Variants in CEP85L observed in about 807,000 individuals in gnomAD.
The protein encoded by CEP85L is centrosomal protein 85L.
In CEP85L, 60 loss-of-function variants were observed where a neutral mutation model predicts 100.3. The ratio of observed to expected loss-of-function variants is 0.60; its 90% CI spans 0.49 to 0.74. The LOEUF is 0.74. Ranked by LOEUF, CEP85L falls within the 30% of genes least tolerant of loss-of-function variation. CEP85L has a pLI of 0.00. For synonymous variants in CEP85L, 319 were observed against 322.7 expected (o/e 0.99, Z 0.12); for missense variants, 973 against 936.2 (o/e 1.04, Z -0.51).
intron 3 of CEP85L, among the ~76,000 whole-genome samples, chr6:118,555,072 A>G (rs2114948040): frequency 1.3e-5 from 2 of 152,320 alleles, no homozygotes; most frequent in Middle Eastern, 6.8e-3. Flanking sequence ...CATATGTTCA[A>G]ATAGGAATTA....
At chr6:118,534,119 T>C (rs1251562484) in intron 3 of CEP85L, among the ~76,000 whole-genome samples, 1 of 151,814 alleles carries the variant, frequency 6.6e-6, no homozygotes, top group African/African-American at 2.4e-5. Context: ...AACAAAAAAA[T>C]CAATGCAATT....
At chr6:118,466,893 G>A (rs1340219276) in intron 12 of CEP85L, among the ~76,000 whole-genome samples, 1 of 152,128 alleles carries the variant, frequency 6.6e-6, no homozygotes, top group East Asian at 1.9e-4. Flanking sequence ...ATAGTGCAAT[G>A]GAGATAGAAG....
intron 1 of CEP85L, among the ~76,000 whole-genome samples, chr6:118,692,804 G>C (rs1301231958): frequency 2.6e-5 from 2 of 75,834 alleles, no homozygotes; most frequent in African/African-American, 4.7e-5. Context: ...ATGATAGAAG[G>C]GGGCTTCACG....
Position 118,464,525 on chromosome 6 carries a change from A to G in CEP85L, c.*880T>C, listed in dbSNP as rs1271880474. The stretch of plus-strand genomic sequence containing the variant: ...GCTATTGTTCCAGGGTAACTTTGTT[A>G]ATCTTCCTTTTATAATAATGATCCA... On this transcript the variant is annotated 3_prime_UTR_variant, in exon 13 of 13. Coordinates refer to ENST00000368491, the MANE Select transcript of CEP85L (RefSeq NM_001042475.3). 1 of 152,078 alleles carries G rather than the reference A, an allele frequency of 6.6e-6. No individual in the cohort carries two copies. The highest frequency in any genetic ancestry group is 1.5e-5 in the Non-Finnish European group (1 of 67,986). 9.4% of individuals were successfully genotyped at this position (152,078 alleles called of 1,614,324 possible). A position where few individuals can be genotyped will look rare whatever the true frequency, so the allele number is the denominator to read the frequency against.
chr6:118,613,048 C>T (rs2115239018), intron 2 of CEP85L, among the ~76,000 whole-genome samples: 1 of 151,798 alleles, frequency 6.6e-6, no homozygotes, highest in East Asian at 1.9e-4. Context: ...GAGAAATCCC[C>T]TCTACTAAAA....
At chr6:118,467,294 AAAAG>A (rs80276506) in intron 12 of CEP85L, among the ~76,000 whole-genome samples, 25,071 of 152,082 alleles carry the variant, frequency 0.16, 2,184 homozygotes, top group Non-Finnish European at 0.19. Context: ...GTACTGAATA[AAAAG>A]AAACAAACAC....
intron 10 of CEP85L, among the ~76,000 whole-genome samples, chr6:118,476,149 G>T (rs1442330141): frequency 1.3e-5 from 2 of 152,046 alleles, no homozygotes; most frequent in African/African-American, 4.8e-5. Context: ...CGACATAACT[G>T]ATTTTTCAAG....
intron 2 of CEP85L, among the ~76,000 whole-genome samples, chr6:118,594,259 A>G (rs1043820887): frequency 6.6e-6 from 1 of 152,226 alleles, no homozygotes; most frequent in African/African-American, 2.4e-5. Context: ...CACAAAATGA[A>G]GATAGTGTAC....
At chr6:118,528,353 G>C (rs1396497851) in intron 3 of CEP85L, among the ~76,000 whole-genome samples, 1 of 151,960 alleles carries the variant, frequency 6.6e-6, no homozygotes, top group Non-Finnish European at 1.5e-5. Context: ...GACTGCTAAA[G>C]TACTTGCCAA....
rs1229152964 is a variant in CEP85L, at chr6:118,511,409, C to T, written c.1146G>A (p.Lys382=). ...TCTCATGCAGGTGGGTAATTTGTTG[C>T]TTCTGCCTGCAAAACATAAATTAAG... ...RQKEIVIDRQ[K]QQITHLHERI... The change falls in exon 5 of 13, where the codon AAG becomes AAA. Residue 382 remains lysine (K), a synonymous_variant. Coordinates refer to ENST00000368491, the MANE Select transcript of CEP85L (RefSeq NM_001042475.3). 1 of 1,603,090 alleles carries T rather than the reference C, an allele frequency of 6.2e-7. No homozygotes were observed. Among genetic ancestry groups the T allele is most frequent in the Admixed American group, 1.7e-5 (1 of 59,822 alleles).
chr6:118,560,969 A>G (rs1262791266), intron 3 of CEP85L, among the ~76,000 whole-genome samples: 1 of 152,214 alleles, frequency 6.6e-6, no homozygotes, highest in Non-Finnish European at 1.5e-5. Context: ...AATTAACCAT[A>G]TCTTCTAAAA....
intron 5 of CEP85L, chr6:118,502,292 T>A: frequency 1.9e-6 from 1 of 534,740 alleles, no homozygotes; most frequent in South Asian, 2.0e-5. Flanking sequence ...ATCTATGCAA[T>A]CTATGGGGGA....
upstream of CEP85L, chr6:118,651,950 G>C: frequency 1.0e-6 from 1 of 984,168 alleles, no homozygotes; most frequent in South Asian, 4.7e-5. Context: ...AACCGCTCGA[G>C]ATGAAAAAGC....
rs536644555 is a variant in CEP85L, at chr6:118,535,504, C to T, written c.1021-11584G>A. Among the ~76,000 whole-genome samples the T allele has an allele frequency of 1.3e-5, 2 of 152,212 alleles. 1 individual carries two copies. Among genetic ancestry groups the T allele is most frequent in the Admixed American group, 1.3e-4 (2 of 15,284 alleles). ...CTGGTTTCAGTTACCCACAGTCAAC[C>T]GTTGCCTGAAAATATTAATAATGGA... On this transcript the variant is annotated intron_variant, in intron 3 of 12. Coordinates refer to ENST00000368491, the MANE Select transcript of CEP85L (RefSeq NM_001042475.3).
rs1554228034 is a variant in CEP85L at position 118,600,296 on chromosome 6, T to TGGGGGGGGG, written c.232+32156_232+32157insCCCCCCCCC. On this transcript the variant is annotated intron_variant, in intron 2 of 12. Coordinates refer to ENST00000368491, the MANE Select transcript of CEP85L (RefSeq NM_001042475.3). ...AGTACTGCCTGTCCCTGAGCCTTCC[T>TGGGGGGGGG]GGGGGTGTGTGTGTGTGTGTGTGTG... Among the ~76,000 whole-genome samples the TGGGGGGGGG allele has an allele frequency of 4.1e-4, 14 of 34,160 alleles. 1 individual carries two copies. The highest frequency in any genetic ancestry group is 8.7e-4 in the South Asian group (1 of 1,146). The allele number at this position is 34,160 out of a possible 152,430, so 22.4% of individuals were successfully genotyped here. A position where few individuals can be genotyped will look rare whatever the true frequency, so the allele number is the denominator to read the frequency against.
At chr6:118,709,556 T>TGTGTGTGTGTGA (rs751698371) in intron 1 of CEP85L, among the ~76,000 whole-genome samples, 4 of 142,224 alleles carry the variant, frequency 2.8e-5, no homozygotes, top group African/African-American at 1.1e-4. Flanking sequence ...TGTGTGTGTG[T>TGTGTGTGTGTGA]GAGAGAGAGA....
chr6:118,652,107 G>A (rs576688299), upstream of CEP85L, among the ~76,000 whole-genome samples: 7 of 152,272 alleles, frequency 4.6e-5, no homozygotes, highest in South Asian at 1.4e-3. Flanking sequence ...GGGGCGTGGG[G>A]GCAACACAGG....
At chr6:118,676,254 C>T (rs1776478220) in intron 1 of CEP85L, among the ~76,000 whole-genome samples, 1 of 152,212 alleles carries the variant, frequency 6.6e-6, no homozygotes, top group Non-Finnish European at 1.5e-5. Flanking sequence ...CATTTAAAAT[C>T]TACTTAGATT....
chr6:118,525,742 C>T (rs1306701483), intron 3 of CEP85L, among the ~76,000 whole-genome samples: 1 of 152,192 alleles, frequency 6.6e-6, no homozygotes, highest in Non-Finnish European at 1.5e-5. Context: ...GGTGTTTAAG[C>T]TAGCTCATTT....
Sources: allele counts gnomAD v4.1 joint callset (sites outside exome capture counted in the v4.1 genomes callset), GRCh38; gene constraint gnomAD v4.1.1; transcripts MANE v1.5; gene names NCBI Gene and HGNC (gene_info 2026-07-23, HGNC 2026-07-21).